Variants in SPAG16 observed in about 807,000 individuals in gnomAD.
SPAG16 encodes sperm-associated antigen 16 protein.
In SPAG16, 86 loss-of-function variants were observed where a neutral mutation model predicts 80.4. The observed-to-expected ratio is 1.07, with a 90% CI of 0.90 to 1.28. The LOEUF is 1.28. Ranked by LOEUF, SPAG16 falls within the 50% of genes most tolerant of loss-of-function variation. The pLI is 0.00. For missense variants in SPAG16, 870 were observed against 765.3 expected (o/e 1.14, Z -1.61); for synonymous variants, 294 against 265.9 (o/e 1.11, Z -1.03).
At chr2:214,334,565 G>T (rs1371456217) in intron 15 of SPAG16, among the ~76,000 whole-genome samples, 1 of 152,118 alleles carries the variant, frequency 6.6e-6, no homozygotes, top group Non-Finnish European at 1.5e-5. Context: ...TCCAGTTGGT[G>T]GAGTTGAAAA....
intron 3 of SPAG16, among the ~76,000 whole-genome samples, chr2:213,299,798 T>C (rs1422860418): frequency 1.3e-5 from 2 of 152,186 alleles, no homozygotes; most frequent in East Asian, 1.9e-4. Context: ...ATAACAGTTA[T>C]GTAGTTTGAT....
At chr2:214,268,920 C>T (rs1346775681) in intron 15 of SPAG16, among the ~76,000 whole-genome samples, 1 of 151,968 alleles carries the variant, frequency 6.6e-6, no homozygotes, top group Non-Finnish European at 1.5e-5. Flanking sequence ...GAGATGGCTG[C>T]ATGTAAATGT....
Position 213,972,909 on chromosome 2 carries a change from C to A in SPAG16, c.1401-41042C>A, listed in dbSNP as rs540563925. 2.0e-5 allele frequency among the ~76,000 whole-genome samples: 3 copies of A among 152,092 alleles called. No homozygotes were observed. The South Asian group carries it at 6.3e-4, about 32-fold the overall frequency. On this transcript the variant is annotated intron_variant, in intron 12 of 15. Coordinates refer to ENST00000331683, the MANE Select transcript of SPAG16 (RefSeq NM_024532.5). ...TCTTCTGATGGCATCTATTTTGATT[C>A]CCTTATTTCCTTTAGTTTGTGTTCA... is the stretch of plus-strand genomic sequence containing the variant.
chr2:213,565,043 C>G (rs1175430389), intron 10 of SPAG16, among the ~76,000 whole-genome samples: 2 of 152,090 alleles, frequency 1.3e-5, no homozygotes, highest in Non-Finnish European at 2.9e-5. Flanking sequence ...TAAACAAATT[C>G]AGTAGTAATT....
intron 15 of SPAG16, among the ~76,000 whole-genome samples, chr2:214,399,234 T>C (rs1701574317): frequency 6.6e-6 from 1 of 152,276 alleles, no homozygotes; most frequent in Admixed American, 6.5e-5. Context: ...ATACAAGACC[T>C]TCGCATTTGA....
intron 3 of SPAG16, among the ~76,000 whole-genome samples, chr2:213,304,199 ATT>A (rs1206278731): frequency 6.6e-6 from 1 of 152,038 alleles, no homozygotes; most frequent in Non-Finnish European, 1.5e-5. Context: ...AGAAATGTCT[ATT>A]CTGATCTTTT....
At chr2:213,454,137 G>A (rs2071864225) in intron 9 of SPAG16, among the ~76,000 whole-genome samples, 1 of 152,048 alleles carries the variant, frequency 6.6e-6, no homozygotes, top group African/African-American at 2.4e-5. Context: ...ACTCTCCAGC[G>A]AAATTGAGAT....
rs1377635077 is a variant in SPAG16 at position 213,664,656 on chromosome 2, TC to T, written c.1070+174567del. 2.0e-5 allele frequency among the ~76,000 whole-genome samples: 3 copies of T among 152,090 alleles called. No homozygotes were observed. The East Asian group carries it at 5.8e-4, about 29-fold the overall frequency. ...TCACCATTATGTGCCTAGTCGTGGA[TC>T]TTTTAACTCACTATACTCAAGGAAG... is the stretch of plus-strand genomic sequence containing the variant. On this transcript the variant is annotated intron_variant, in intron 10 of 15. Coordinates refer to ENST00000331683, the MANE Select transcript of SPAG16 (RefSeq NM_024532.5).
At chr2:213,293,282 T>C (rs769896871) in intron 1 of SPAG16, among the ~76,000 whole-genome samples, 5 of 152,184 alleles carry the variant, frequency 3.3e-5, no homozygotes, top group Non-Finnish European at 5.9e-5. Context: ...TCCTTATAAA[T>C]TACCCAGTCT....
intron 10 of SPAG16, among the ~76,000 whole-genome samples, chr2:213,588,441 T>C (rs1236320733): frequency 6.6e-6 from 1 of 150,578 alleles, no homozygotes; most frequent in Non-Finnish European, 1.5e-5. Context: ...AACCACCTCA[T>C]TTATTTGTGA....
At chr2:213,405,225 A>T (rs1298902295) in intron 9 of SPAG16, among the ~76,000 whole-genome samples, 6 of 152,180 alleles carry the variant, frequency 3.9e-5, no homozygotes, top group African/African-American at 1.4e-4. Flanking sequence ...AACATCCTAC[A>T]GTTAATTTTA....
chr2:213,359,728 C>T (rs898460555), intron 7 of SPAG16, among the ~76,000 whole-genome samples: 4 of 152,142 alleles, frequency 2.6e-5, no homozygotes, highest in Non-Finnish European at 4.4e-5. Context: ...CCCTTGCACT[C>T]CTGGGTGAGG....
At chr2:213,900,986 T>C (rs541278046) in intron 11 of SPAG16, among the ~76,000 whole-genome samples, 1 of 152,198 alleles carries the variant, frequency 6.6e-6, no homozygotes, top group South Asian at 2.1e-4. Context: ...TAGAACATTG[T>C]ACAACTTCTA....
rs138966871 is a variant in SPAG16 at position 213,293,753 on chromosome 2, A to G, written c.137-2311A>G. Among the ~76,000 whole-genome samples the G allele has an allele frequency of 5.3e-3, 806 of 152,346 alleles. 2 individuals are homozygous for G. The highest frequency in any genetic ancestry group is 8.9e-3 in the Non-Finnish European group (607 of 68,028). On this transcript the variant is annotated intron_variant, in intron 1 of 15. Coordinates refer to ENST00000331683, the MANE Select transcript of SPAG16 (RefSeq NM_024532.5). ...GAGCCCTTGACCCAGAGAAACTACA[A>G]TATAATAAATGCTTATTGTTCCTTT...
At chr2:213,604,205 AT>A (rs1397122913) in intron 10 of SPAG16, among the ~76,000 whole-genome samples, 1 of 151,850 alleles carries the variant, frequency 6.6e-6, no homozygotes, top group Admixed American at 6.6e-5. Flanking sequence ...CTTCCTGTTT[AT>A]TTTTGTGTGT....
intron 9 of SPAG16, among the ~76,000 whole-genome samples, chr2:213,409,883 T>C (rs558701729): frequency 6.6e-6 from 1 of 152,344 alleles, no homozygotes; most frequent in East Asian, 1.9e-4. Context: ...TTAGAAATTA[T>C]ATACTTGGTT....
intron 15 of SPAG16, among the ~76,000 whole-genome samples, chr2:214,314,497 AC>A (rs1365161493): frequency 1.3e-5 from 2 of 152,140 alleles, no homozygotes; most frequent in Non-Finnish European, 2.9e-5. Flanking sequence ...AGGAGCAAAG[AC>A]CCTACAGTCA....
chr2:214,293,890 G>T (rs1693964189), intron 15 of SPAG16, among the ~76,000 whole-genome samples: 1 of 152,196 alleles, frequency 6.6e-6, no homozygotes, highest in Non-Finnish European at 1.5e-5. Context: ...CACTCTCAAT[G>T]ACAGCAACAT....
intron 11 of SPAG16, among the ~76,000 whole-genome samples, chr2:213,909,033 T>C (rs992480745): frequency 2.0e-5 from 3 of 152,048 alleles, no homozygotes; most frequent in African/African-American, 7.2e-5. Context: ...TGTTTGTTTT[T>C]TTATCCAAAA....
Sources: allele counts gnomAD v4.1 joint callset (sites outside exome capture counted in the v4.1 genomes callset), GRCh38; gene constraint gnomAD v4.1.1; transcripts MANE v1.5; gene names NCBI Gene and HGNC (gene_info 2026-07-23, HGNC 2026-07-21).